THRB: variants seen among roughly 807,000 people sequenced by gnomAD.
THRB encodes the protein thyroid hormone receptor beta.
Under a neutral mutation model 47.8 loss-of-function variants are expected in THRB, and 12 were observed. The ratio of observed to expected loss-of-function variants is 0.25; its 90% CI spans 0.16 to 0.41. The LOEUF (loss-of-function observed/expected upper bound fraction) is 0.41, where lower values mean the gene tolerates loss of function less well. Ranked by LOEUF, THRB falls within the 10% of genes least tolerant of loss-of-function variation. The pLI is 1.00. For missense variants in THRB, 348 were observed against 589.2 expected, an observed-to-expected ratio of 0.59 and a Z score of 4.24; for synonymous variants, 218 against 212.2, an observed-to-expected ratio of 1.03 and a Z score of -0.24.
intron 1 of THRB, among the ~76,000 whole-genome samples, chr3:24,464,765 A>G (rs897712450): frequency 1.3e-5 from 2 of 152,214 alleles, no homozygotes; most frequent in Non-Finnish European, 2.9e-5. Context: ...TTTGGAGTCA[A>G]ACATTTTATT....
intron 5 of THRB, among the ~76,000 whole-genome samples, chr3:24,170,514 C>T (rs1312587306): frequency 1.3e-5 from 2 of 152,214 alleles, no homozygotes; most frequent in African/African-American, 4.8e-5. Context: ...ATCCAAACCT[C>T]TACCAAAAGG....
chr3:24,120,607 GGGTT>G lies in THRB; in HGVS notation c.*2273_*2276del, dbSNP rs1322906582. ...TTGCCCCAGACAGCAGAGCTTCTCAGGGTTACCCTGGAGCACAGAGGTGGCTAAG... is the reference window on the plus strand; with the variant it reads ...TTGCCCCAGACAGCAGAGCTTCTCAGACCCTGGAGCACAGAGGTGGCTAAG... On this transcript the variant is annotated 3_prime_UTR_variant, in exon 11 of 11. Transcript: ENST00000646209. 2 of 152,250 alleles carry G rather than the reference GGGTT, an allele frequency of 1.3e-5. No homozygotes were observed. The highest frequency in any genetic ancestry group is 2.9e-5 in the Non-Finnish European group (2 of 68,058). 9.4% of individuals were successfully genotyped at this position (152,250 alleles called of 1,614,324 possible).
intron 2 of THRB, among the ~76,000 whole-genome samples, chr3:24,317,059 C>A (rs538405474): frequency 3.9e-5 from 6 of 152,314 alleles, no homozygotes; most frequent in Admixed American, 2.0e-4. Flanking sequence ...GTCACTGACT[C>A]ACCCACCAGG....
At chr3:24,238,317 C>T (rs373373709) in intron 3 of THRB, among the ~76,000 whole-genome samples, 3 of 123,402 alleles carry the variant, frequency 2.4e-5, no homozygotes, top group South Asian at 2.7e-4. Context: ...GTGTGATGAA[C>T]GGATTGGAAA....
At position 24,238,286 on chromosome 3, in the gene THRB, G is replaced by T. The variant is rs560190987; in HGVS notation, c.-42-9285C>A. Among the ~76,000 whole-genome samples the T allele has an allele frequency of 6.7e-4, 92 of 136,316 alleles. 5 individuals are homozygous for T. In the East Asian group the frequency reaches 0.016, roughly 24 times the overall value. The allele number at this position is 136,316 out of a possible 152,430, so 89.4% of individuals were successfully genotyped here. ...GTATGTGTGTGTGTGTGTGGGGGGGGGGGGGGTGTGTGGGGTGTGTGTGTG... is the reference window on the plus strand; with the variant it reads ...GTATGTGTGTGTGTGTGTGGGGGGGTGGGGGGTGTGTGGGGTGTGTGTGTG... On this transcript the variant is annotated intron_variant, in intron 3 of 10. Transcript: ENST00000646209.
At chr3:24,188,276 A>G (rs2042853857) in intron 5 of THRB, among the ~76,000 whole-genome samples, 1 of 152,218 alleles carries the variant, frequency 6.6e-6, no homozygotes, top group African/African-American at 2.4e-5. Flanking sequence ...GTTGCTATTC[A>G]GAGAGCACTA....
chr3:24,207,785 C>G (rs1389717453), intron 4 of THRB, among the ~76,000 whole-genome samples: 1 of 152,182 alleles, frequency 6.6e-6, no homozygotes, highest in Non-Finnish European at 1.5e-5. Context: ...AAAACTGGCA[C>G]AAGACAGCGA....
chr3:24,333,122 A>C (rs1476560220), intron 2 of THRB, among the ~76,000 whole-genome samples: 1 of 152,050 alleles, frequency 6.6e-6, no homozygotes, highest in Non-Finnish European at 1.5e-5. Context: ...CAAAGAAACA[A>C]AAAAACCTGA....
intron 8 of THRB, among the ~76,000 whole-genome samples, chr3:24,135,051 G>A (rs1347826687): frequency 1.3e-5 from 2 of 152,148 alleles, no homozygotes. Flanking sequence ...GGTCAGGGAT[G>A]GAGCTTGGGA....
At position 24,407,212 on chromosome 3, in the gene THRB, C is replaced by T. The variant is rs1303789129; in HGVS notation, c.-260-69841G>A. Reference sequence around the variant, plus strand: ...GCATTTCTCCAGGCCCCACCATGCCCTGGAGAAATGTCCCTCAGGAATACG... The same window carrying T: ...GCATTTCTCCAGGCCCCACCATGCCTTGGAGAAATGTCCCTCAGGAATACG... On this transcript the variant is annotated intron_variant, in intron 1 of 10. Transcript: ENST00000646209. Among the ~76,000 whole-genome samples the T allele has an allele frequency of 2.0e-5, 3 of 151,930 alleles. No individual in the cohort carries two copies. The East Asian group carries it at 5.9e-4, about 30-fold the overall frequency.
At chr3:24,425,912 TA>T (rs1259904336) in intron 1 of THRB, among the ~76,000 whole-genome samples, 3 of 151,986 alleles carry the variant, frequency 2.0e-5, no homozygotes, top group Non-Finnish European at 4.4e-5. Flanking sequence ...ACGATAAGTG[TA>T]AGAGTTAAGC....
chr3:24,156,758 T>C (rs1391565972), intron 5 of THRB, among the ~76,000 whole-genome samples: 4 of 152,134 alleles, frequency 2.6e-5, no homozygotes, highest in Non-Finnish European at 4.4e-5. Context: ...CTAGCATGCT[T>C]AGTCACTCTT....
At chr3:24,331,738 A>G (rs370013898) in intron 2 of THRB, among the ~76,000 whole-genome samples, 15 of 152,012 alleles carry the variant, frequency 9.9e-5, no homozygotes, top group East Asian at 3.9e-4. Flanking sequence ...ATGGCAGCTA[A>G]TGAATAAACA....
intron 8 of THRB, among the ~76,000 whole-genome samples, chr3:24,141,047 G>A (rs932460636): frequency 1.3e-5 from 2 of 152,328 alleles, no homozygotes; most frequent in African/African-American, 4.8e-5. Context: ...AAATGGCTCG[G>A]AGAAGCAGTT....
chr3:24,429,533 T>A (rs527684948), intron 1 of THRB, among the ~76,000 whole-genome samples: 2 of 152,188 alleles, frequency 1.3e-5, no homozygotes, highest in South Asian at 4.1e-4. Flanking sequence ...CCCATTGAGC[T>A]CTGTCCTGTC....
intron 1 of THRB, among the ~76,000 whole-genome samples, chr3:24,453,623 A>G (rs141248660): frequency 5.4e-4 from 82 of 152,188 alleles, no homozygotes; most frequent in Non-Finnish European, 8.5e-4. Flanking sequence ...GGATCATCTT[A>G]AAGTTTATAT....
intron 4 of THRB, among the ~76,000 whole-genome samples, chr3:24,202,456 C>G (rs1270052641): frequency 6.6e-6 from 1 of 152,080 alleles, no homozygotes; most frequent in Non-Finnish European, 1.5e-5. Context: ...CATTCTGTTT[C>G]CCATACTGGT....
intron 5 of THRB, among the ~76,000 whole-genome samples, chr3:24,186,944 C>CA (rs71057655): frequency 0.055 from 4,252 of 77,342 alleles, 239 homozygotes; most frequent in African/African-American, 0.072. Context: ...GACTCCATTT[C>CA]AAAAAAAAAA....
At chr3:24,340,596 C>A (rs2062572450) in intron 1 of THRB, among the ~76,000 whole-genome samples, 1 of 152,030 alleles carries the variant, frequency 6.6e-6, no homozygotes, top group African/African-American at 2.4e-5. Flanking sequence ...TTTTCTTCTG[C>A]TATCCAAATA....
Sources: allele counts gnomAD v4.1 joint callset (sites outside exome capture counted in the v4.1 genomes callset), GRCh38; gene constraint gnomAD v4.1.1; transcripts MANE v1.5; gene names NCBI Gene and HGNC (gene_info 2026-07-23, HGNC 2026-07-21).